Variants in ARL17A observed in about 807,000 individuals in gnomAD.
ARL17A encodes the protein ARF like GTPase 17A.
Position 46,534,814 on chromosome 17 carries a change from C to T in ARL17A, c.335+3537G>A, listed in dbSNP as rs1208982950. ...CCCACCTCCCGGAGGGGGCGGCTGG[C>T]CAGGCGGGGGCTGGCCCCCACCTCC... On this transcript the variant is annotated intron_variant, in intron 4 of 4. Transcript: ENST00000329240. 1.4e-5 allele frequency among the ~76,000 whole-genome samples: 2 copies of T among 147,368 alleles called. 1 individual carries two copies. Among genetic ancestry groups the T allele is most frequent in the African/African-American group, 5.3e-5 (2 of 37,462 alleles).
the ARL17A span, among the ~76,000 whole-genome samples, chr17:46,502,366 A>G: frequency 2.0e-5 from 3 of 151,126 alleles, no homozygotes; most frequent in Admixed American, 1.3e-4. Context: ...GCTAGAGTGC[A>G]ATGGCCCGGT....
chr17:46,542,951 G>T (rs1598469251), intron 3 of ARL17A, among the ~76,000 whole-genome samples: 3 of 149,952 alleles, frequency 2.0e-5, no homozygotes, highest in Admixed American at 2.0e-4. Flanking sequence ...TGACCAGGTT[G>T]TCAGATCTCT....
intron 4 of ARL17A, among the ~76,000 whole-genome samples, chr17:46,530,321 T>G (rs1472787451): frequency 7.6e-6 from 1 of 131,990 alleles, no homozygotes; most frequent in Non-Finnish European, 1.7e-5. Flanking sequence ...CGAAGGATAT[T>G]TAAAGCCCTA....
intron 3 of ARL17A, among the ~76,000 whole-genome samples, chr17:46,543,710 A>G (rs1169302260): frequency 9.9e-5 from 15 of 150,982 alleles, no homozygotes; most frequent in South Asian, 2.1e-4. Flanking sequence ...ATTAGCAACT[A>G]CTGATTCCAG....
chr17:46,542,364 C>CT (rs1483826694), intron 3 of ARL17A, among the ~76,000 whole-genome samples: 1 of 148,832 alleles, frequency 6.7e-6, no homozygotes. Context: ...TGTGATGTAT[C>CT]TTTTTTATTT....
intron 3 of ARL17A, among the ~76,000 whole-genome samples, chr17:46,542,683 A>G (rs2055589266): frequency 2.0e-5 from 3 of 150,262 alleles, no homozygotes; most frequent in Admixed American, 2.0e-4. Flanking sequence ...TGACAGAGCA[A>G]GACCCTGTCT....
chr17:46,502,522 G>A, the ARL17A span, among the ~76,000 whole-genome samples: 10 of 150,776 alleles, frequency 6.6e-5, no homozygotes, highest in Non-Finnish European at 4.4e-5. Context: ...GGCTGGTCTC[G>A]AACTCCTGAC....
intron 3 of ARL17A, among the ~76,000 whole-genome samples, chr17:46,545,422 A>G (rs1682825924): frequency 9.0e-6 from 1 of 111,464 alleles, no homozygotes; most frequent in South Asian, 2.6e-4. Flanking sequence ...ACTGTATTTC[A>G]GCCTGGGTGA....
chr17:46,575,706 G>A (rs1168478353), intron 2 of ARL17A, among the ~76,000 whole-genome samples: 19 of 60,410 alleles, frequency 3.1e-4, no homozygotes, highest in African/African-American at 1.4e-3. Flanking sequence ...CTGGCCAGGC[G>A]CGGAGGCTCA....
At chr17:46,535,242 C>T (rs973374093) in intron 4 of ARL17A, among the ~76,000 whole-genome samples, 6 of 148,270 alleles carry the variant, frequency 4.0e-5, no homozygotes, top group Admixed American at 6.6e-5. Context: ...TATTGAGGAT[C>T]CCTTGTATGT....
rs1189929710 is a variant in ARL17A at position 46,520,999 on chromosome 17, T to G, written c.260-3766A>C. Among the ~76,000 whole-genome samples the G allele has an allele frequency of 3.7e-5, 3 of 81,360 alleles. 1 individual carries two copies. The highest frequency in any genetic ancestry group is 1.1e-4 in the African/African-American group (3 of 28,028). 53.4% of individuals were successfully genotyped at this position (81,360 alleles called of 152,430 possible). On this transcript the variant is annotated intron_variant, in intron 3 of 4. Coordinates refer to the ARL17A transcript ENST00000445552. The stretch of plus-strand genomic sequence containing the variant: ...AGAGAATAGACTGGTATTAAGGATT[T>G]CATTTCAGGAATTGTTATATTAAAA...
chr17:46,551,281 G>C (rs2056787724), downstream of ARL17A, among the ~76,000 whole-genome samples: 2 of 149,776 alleles, frequency 1.3e-5, no homozygotes, highest in Non-Finnish European at 2.9e-5. Context: ...TCTGTCTTTT[G>C]TTCGATTACA....
downstream of ARL17A, chr17:46,549,108 G>A (rs1357454838): frequency 9.9e-6 from 16 of 1,611,688 alleles, 3 homozygotes; most frequent in African/African-American, 2.0e-4. Flanking sequence ...AAGTCAAAAA[G>A]AGTCCAAAGG....
downstream of ARL17A, among the ~76,000 whole-genome samples, chr17:46,525,905 G>A (rs1415557439): frequency 4.5e-5 from 4 of 89,276 alleles, no homozygotes; most frequent in African/African-American, 1.4e-4. Context: ...GGATCTGTAC[G>A]GCAGGGTGAC....
downstream of ARL17A, among the ~76,000 whole-genome samples, chr17:46,550,970 AC>A (rs1466957148): frequency 6.7e-6 from 1 of 149,564 alleles, no homozygotes; most frequent in Non-Finnish European, 1.5e-5. Flanking sequence ...TTAGATTTAC[AC>A]AGTATCGTCC....
chr17:46,500,981 A>G, the ARL17A span, among the ~76,000 whole-genome samples: 1 of 151,098 alleles, frequency 6.6e-6, no homozygotes, highest in African/African-American at 2.5e-5. Flanking sequence ...GGAGTTTGAG[A>G]CCAGCCTGGC....
chr17:46,534,860 C>T (rs554523094), intron 4 of ARL17A, among the ~76,000 whole-genome samples: 34 of 149,388 alleles, frequency 2.3e-4, no homozygotes, highest in East Asian at 1.4e-3. Flanking sequence ...GGGCGGCTGC[C>T]GGGCAGAGGG....
intron 3 of ARL17A, among the ~76,000 whole-genome samples, chr17:46,558,267 T>C (rs1332938001): frequency 4.6e-4 from 49 of 107,190 alleles, no homozygotes; most frequent in Non-Finnish European, 7.7e-4. Flanking sequence ...ACCATGTTGG[T>C]CAGGCTGGTC....
chr17:46,548,823 A>C (rs779695534), downstream of ARL17A: 24 of 1,611,996 alleles, frequency 1.5e-5, no homozygotes, highest in South Asian at 2.3e-4. Flanking sequence ...AGTTAGCGGG[A>C]AACGCCGTCT....
Sources: gnomAD v4.1 joint callset for allele counts (sites outside exome capture counted in the v4.1 genomes callset) on GRCh38, gnomAD v4.1.1 for gene constraint, MANE v1.5 for transcripts, NCBI Gene and HGNC (gene_info 2026-07-23, HGNC 2026-07-21) for gene names.